The following SGCZ variants were observed in gnomAD, a reference collection of about 807,000 sequenced individuals.
SGCZ encodes zeta-sarcoglycan.
A neutral mutation model predicts 41.3 loss-of-function variants in SGCZ; 40 were observed. That is an observed-to-expected ratio of 0.97 (90% CI 0.75 to 1.26). The LOEUF is 1.26. Ranked by LOEUF, SGCZ falls within the 50% of genes most tolerant of loss-of-function variation. The pLI, the probability that SGCZ is intolerant of heterozygous loss-of-function variation, is 0.00. For missense variants in SGCZ, 552 were observed against 369.8 expected (o/e 1.49, Z -4.04); for synonymous variants, 206 against 137.5 (o/e 1.50, Z -3.49).
chr8:14,659,462 A>G (rs143357740), intron 1 of SGCZ, among the ~76,000 whole-genome samples: 1,680 of 152,316 alleles, frequency 0.011, 18 homozygotes, highest in Non-Finnish European at 0.017. Context: ...GGTATGATAC[A>G]ACAACACGAT....
At chr8:14,098,772 T>C (rs10086561) in intron 7 of SGCZ, among the ~76,000 whole-genome samples, 34,952 of 151,992 alleles carry the variant, frequency 0.23, 4,224 homozygotes, top group Middle Eastern at 0.28. Context: ...GTGGGATTGA[T>C]CAGATGACTG....
At chr8:14,700,323 G>C (rs1468892040) in intron 1 of SGCZ, among the ~76,000 whole-genome samples, 1 of 151,980 alleles carries the variant, frequency 6.6e-6, no homozygotes. Context: ...GATGCAGCTA[G>C]AGGCCATTAT....
intron 1 of SGCZ, among the ~76,000 whole-genome samples, chr8:15,179,000 C>T (rs1050429409): frequency 3.3e-5 from 5 of 152,140 alleles, no homozygotes; most frequent in Non-Finnish European, 7.3e-5. Context: ...CATTATGAGA[C>T]TTTCCTCAAG....
chr8:14,985,056 C>G (rs1327371121), intron 1 of SGCZ, among the ~76,000 whole-genome samples: 1 of 152,094 alleles, frequency 6.6e-6, no homozygotes, highest in African/African-American at 2.4e-5. Context: ...CTGCCAAGCT[C>G]TGTTTATTTG....
intron 1 of SGCZ, among the ~76,000 whole-genome samples, chr8:14,821,079 T>G (rs1190928358): frequency 1.3e-5 from 2 of 151,704 alleles, no homozygotes; most frequent in East Asian, 3.9e-4. Flanking sequence ...AACCTTAAGA[T>G]AGACAACAAA....
At chr8:15,118,159 C>A (rs1308957679) in intron 1 of SGCZ, among the ~76,000 whole-genome samples, 3 of 152,118 alleles carry the variant, frequency 2.0e-5, no homozygotes, top group Non-Finnish European at 4.4e-5. Flanking sequence ...ACATATCAGG[C>A]TTTATTTACA....
intron 1 of SGCZ, among the ~76,000 whole-genome samples, chr8:14,568,073 G>A (rs1474825166): frequency 6.9e-6 from 1 of 144,806 alleles, no homozygotes; most frequent in East Asian, 2.1e-4. Context: ...AGAAACTAAA[G>A]AACCTTTGCA....
At chr8:15,171,909 G>A (rs1799841322) in intron 1 of SGCZ, among the ~76,000 whole-genome samples, 1 of 151,994 alleles carries the variant, frequency 6.6e-6, no homozygotes, top group African/African-American at 2.4e-5. Flanking sequence ...TATATTCAGA[G>A]GTCACTGACA....
chr8:14,757,678 A>T (rs886807474), intron 1 of SGCZ, among the ~76,000 whole-genome samples: 6 of 152,222 alleles, frequency 3.9e-5, no homozygotes, highest in Non-Finnish European at 7.3e-5. Context: ...CAGCAACTCT[A>T]GCCATCCTTA....
chr8:14,389,305 T>G (rs1309184481), intron 2 of SGCZ, among the ~76,000 whole-genome samples: 1 of 151,590 alleles, frequency 6.6e-6, no homozygotes, highest in Non-Finnish European at 1.5e-5. Flanking sequence ...AAGTAATATT[T>G]TATCAATAAC....
At chr8:14,700,413 T>C (rs989008824) in intron 1 of SGCZ, among the ~76,000 whole-genome samples, 9 of 151,840 alleles carry the variant, frequency 5.9e-5, no homozygotes, top group African/African-American at 2.2e-4. Context: ...AAACATTGAG[T>C]ACACATGCAC....
chr8:15,120,818 C>T (rs1416067309), intron 1 of SGCZ, among the ~76,000 whole-genome samples: 1 of 152,132 alleles, frequency 6.6e-6, no homozygotes, highest in African/African-American at 2.4e-5. Flanking sequence ...AACATTAAAT[C>T]ACTGTCCTAT....
At chr8:14,570,171 C>T (rs1339004492) in intron 1 of SGCZ, among the ~76,000 whole-genome samples, 3 of 152,072 alleles carry the variant, frequency 2.0e-5, no homozygotes, top group Non-Finnish European at 4.4e-5. Context: ...ACATGTAACT[C>T]CTTCAAGCAG....
At chr8:15,182,212 C>T (rs755974568) in intron 1 of SGCZ, among the ~76,000 whole-genome samples, 1 of 152,100 alleles carries the variant, frequency 6.6e-6, no homozygotes, top group African/African-American at 2.4e-5. Context: ...ATCCTTAATT[C>T]TTAGGTTAAC....
At chr8:14,171,745 C>T (rs1446005699) in intron 4 of SGCZ, among the ~76,000 whole-genome samples, 1 of 150,182 alleles carries the variant, frequency 6.7e-6, no homozygotes, top group Non-Finnish European at 1.5e-5. Flanking sequence ...ACCACTTATG[C>T]CTTTTAATAA....
At chr8:14,165,710 G>A (rs1804188245) in intron 4 of SGCZ, among the ~76,000 whole-genome samples, 1 of 152,050 alleles carries the variant, frequency 6.6e-6, no homozygotes, top group African/African-American at 2.4e-5. Context: ...CACATGTGGG[G>A]CATAGTTCTT....
chr8:14,433,694 A>G (rs1223954712), intron 2 of SGCZ, among the ~76,000 whole-genome samples: 1 of 152,212 alleles, frequency 6.6e-6, no homozygotes, highest in African/African-American at 2.4e-5. Context: ...AATTTTACAT[A>G]AACACGCTCT....
At chr8:14,920,430 T>G (rs957268767) in intron 1 of SGCZ, among the ~76,000 whole-genome samples, 7 of 152,168 alleles carry the variant, frequency 4.6e-5, no homozygotes, top group African/African-American at 1.7e-4. Flanking sequence ...TTACAAAGAC[T>G]GCATTTAAAG....
chr8:14,620,159 G>A (rs556462824), intron 1 of SGCZ, among the ~76,000 whole-genome samples: 1 of 152,042 alleles, frequency 6.6e-6, no homozygotes, highest in Non-Finnish European at 1.5e-5. Flanking sequence ...TCTGATCTTT[G>A]ACAAACCTGA....
Sources: allele counts gnomAD v4.1 joint callset (sites outside exome capture counted in the v4.1 genomes callset), GRCh38; gene constraint gnomAD v4.1.1; transcripts MANE v1.5; gene names NCBI Gene and HGNC (gene_info 2026-07-23, HGNC 2026-07-21).